NEXMIF: variants seen among roughly 807,000 people sequenced by gnomAD.
NEXMIF encodes the protein neurite extension and migration factor, also known as XLMR protein related to neurite extension.
NEXMIF carries 8 observed loss-of-function variants against 62.1 expected under a neutral mutation model. That is an observed-to-expected ratio of 0.13 (90% CI 0.08 to 0.23). NEXMIF has a LOEUF of 0.23. NEXMIF is among the 10% of genes least tolerant of loss of function. The pLI, the probability that NEXMIF is intolerant of heterozygous loss-of-function variation, is 1.00. For missense variants in NEXMIF, 976 were observed against 1,113.3 expected, an observed-to-expected ratio of 0.88 and a Z score of 1.75; for synonymous variants, 404 against 416.6, an observed-to-expected ratio of 0.97 and a Z score of 0.37.
At chrX:74,897,504 C>G (rs1305300297) in intron 1 of NEXMIF, among the ~76,000 whole-genome samples, 1 of 111,709 alleles carries the variant, frequency 9.0e-6, no homozygotes, top group African/African-American at 3.3e-5. Context: ...GAAGAACTAC[C>G]TTTGATTTCT....
intron 1 of NEXMIF, among the ~76,000 whole-genome samples, chrX:74,790,700 T>G (rs2080278569): frequency 8.8e-6 from 1 of 113,699 alleles, no homozygotes; most frequent in African/African-American, 3.2e-5. Flanking sequence ...ACATCCCTTG[T>G]AAGTTGGATT....
Position 74,742,923 on chromosome X carries a change from A to G in NEXMIF, c.1634T>C (p.Ile545Thr). 8.3e-7 allele frequency: 1 copy of G among 1,210,909 alleles called. No homozygotes were observed. Among genetic ancestry groups the G allele is most frequent in the Non-Finnish European group, 1.1e-6 (1 of 895,064 alleles). Residue 545 changes from isoleucine to threonine, a missense_variant, in exon 3 of 4, where the codon ATT (isoleucine) becomes ACT (threonine). This residue lies in a region of NEXMIF where 639 missense variants were observed against 694.5 expected (regional missense o/e 0.92). Coordinates refer to ENST00000055682, the MANE Select transcript of NEXMIF (RefSeq NM_001008537.3). ...EPPVIIKYIIINRFKGEKNML... is the reference protein window; with the variant it reads ...EPPVIIKYIITNRFKGEKNML... ...GTTCTTCTCACCTTTAAAGCGATTAATGATGATATATTTGATAATAACAGG... is the reference window on the plus strand; with the variant it reads ...GTTCTTCTCACCTTTAAAGCGATTAGTGATGATATATTTGATAATAACAGG...
chrX:74,906,490 TA>T (rs1337311809), intron 1 of NEXMIF, among the ~76,000 whole-genome samples: 1 of 110,609 alleles, frequency 9.0e-6, no homozygotes, highest in African/African-American at 3.3e-5. Flanking sequence ...CATGTGTTTT[TA>T]AGCTCTTCTC....
At position 74,734,584 on chromosome X, in the gene NEXMIF, G is replaced by A. The variant is rs975769337; in HGVS notation, c.*4821C>T. On this transcript the variant is annotated 3_prime_UTR_variant, in exon 4 of 4. Transcript: ENST00000055682. ...AACCCCTGAGCTTGTTAGATGGACA[G>A]ACATCCTTTCCATCTTATGTGGATG... 23 of 112,282 alleles carry A rather than the reference G, an allele frequency of 2.0e-4. No homozygotes were observed. Among genetic ancestry groups the A allele is most frequent in the Admixed American group, 1.7e-3 (18 of 10,520 alleles). The allele number at this position is 112,282 out of a possible 1,213,427, so 9.3% of individuals were successfully genotyped here. A position where few individuals can be genotyped will look rare whatever the true frequency, so the allele number is the denominator to read the frequency against.
intron 1 of NEXMIF, among the ~76,000 whole-genome samples, chrX:74,917,921 T>C (rs1333801238): frequency 9.0e-6 from 1 of 111,707 alleles, no homozygotes. Flanking sequence ...AAACTAGTCT[T>C]GACGTTTTTG....
rs777122303 is a variant in NEXMIF, at chrX:74,740,581, C to T, written c.3976G>A (p.Gly1326Ser). The change falls in exon 3 of 4, where the codon GGT becomes AGT. Residue 1326 changes from glycine (G) to serine (S), a missense_variant. Transcript: ENST00000055682. Reference protein sequence around the residue: ...PSYILSNIASGMADVQRFMMA... With the variant: ...PSYILSNIASSMADVQRFMMA... The stretch of plus-strand genomic sequence containing the variant: ...ATGAATCTCTGCACATCTGCCATAC[C>T]AGAGGCAATGTTGGACAAGATATAG... 1 of 1,211,958 alleles carries T rather than the reference C, an allele frequency of 8.3e-7. No homozygotes were observed. Among genetic ancestry groups the T allele is most frequent in the Non-Finnish European group, 1.1e-6 (1 of 895,508 alleles).
chrX:74,770,776 C>T (rs2080207857), intron 1 of NEXMIF, among the ~76,000 whole-genome samples: 1 of 111,944 alleles, frequency 8.9e-6, no homozygotes, highest in African/African-American at 3.2e-5. Context: ...TTGACCTTTG[C>T]TTATAAAAAT....
At chrX:74,810,223 T>A in intron 1 of NEXMIF, among the ~76,000 whole-genome samples, 1 of 111,964 alleles carries the variant, frequency 8.9e-6, no homozygotes, top group Non-Finnish European at 1.9e-5. Context: ...GAAGCCTTTT[T>A]ATTTATATTT....
intron 1 of NEXMIF, among the ~76,000 whole-genome samples, chrX:74,871,545 G>C (rs1231640545): frequency 9.0e-6 from 1 of 111,095 alleles, no homozygotes; most frequent in Non-Finnish European, 1.9e-5. Flanking sequence ...GGCACTGCAG[G>C]AGACCAGGGC....
intron 1 of NEXMIF, among the ~76,000 whole-genome samples, chrX:74,769,401 C>T (rs984181139): frequency 8.9e-6 from 1 of 111,815 alleles, no homozygotes; most frequent in African/African-American, 3.3e-5. Context: ...ATGCAGAAGG[C>T]ACACAACATG....
chrX:74,795,461 T>C (rs1291762052), intron 1 of NEXMIF, among the ~76,000 whole-genome samples: 1 of 112,028 alleles, frequency 8.9e-6, no homozygotes, highest in Non-Finnish European at 1.9e-5. Flanking sequence ...TATTATTCCA[T>C]TCATATGACA....
At chrX:74,811,705 A>G (rs148479509) in intron 1 of NEXMIF, among the ~76,000 whole-genome samples, 398 of 112,639 alleles carry the variant, frequency 3.5e-3, no homozygotes, top group Middle Eastern at 9.3e-3. Flanking sequence ...CTGAGCCTGT[A>G]GGCTATTACA....
intron 1 of NEXMIF, among the ~76,000 whole-genome samples, chrX:74,893,699 T>C (rs2080724571): frequency 8.9e-6 from 1 of 112,017 alleles, no homozygotes; most frequent in African/African-American, 3.2e-5. Flanking sequence ...GCATGGATGA[T>C]GTGGAAGGTT....
intron 1 of NEXMIF, among the ~76,000 whole-genome samples, chrX:74,796,451 A>G (rs1215140360): frequency 5.8e-5 from 6 of 103,753 alleles, no homozygotes; most frequent in Non-Finnish European, 1.2e-4. Flanking sequence ...GACCACTCCT[A>G]GATCTTGGTT....
intron 1 of NEXMIF, among the ~76,000 whole-genome samples, chrX:74,895,231 T>C (rs1428829503): frequency 5.4e-5 from 6 of 111,467 alleles, no homozygotes; most frequent in Non-Finnish European, 7.5e-5. Flanking sequence ...ACAAATAAAG[T>C]TAAATACCTA....
chrX:74,882,566 G>C (rs2080669868), intron 1 of NEXMIF, among the ~76,000 whole-genome samples: 1 of 111,807 alleles, frequency 8.9e-6, no homozygotes, highest in Non-Finnish European at 1.9e-5. Context: ...AGCAGTCTGA[G>C]ATCAAACTGC....
intron 1 of NEXMIF, among the ~76,000 whole-genome samples, chrX:74,854,642 C>T (rs1018019639): frequency 9.0e-6 from 1 of 111,553 alleles, no homozygotes; most frequent in Non-Finnish European, 1.9e-5. Context: ...AAACTATCCA[C>T]CTCTGCAGAC....
At chrX:74,753,946 A>AC (rs1322076567) in intron 1 of NEXMIF, among the ~76,000 whole-genome samples, 1 of 112,049 alleles carries the variant, frequency 8.9e-6, no homozygotes, top group African/African-American at 3.2e-5. Flanking sequence ...GGATACCATG[A>AC]CAAGTACAAA....
intron 1 of NEXMIF, among the ~76,000 whole-genome samples, chrX:74,865,404 G>GT (rs763636434): frequency 1.8e-3 from 197 of 111,900 alleles, no homozygotes; most frequent in Non-Finnish European, 2.5e-3. Flanking sequence ...ATAACTTAGG[G>GT]TATCTGGCAG....
Sources: allele counts gnomAD v4.1 joint callset (sites outside exome capture counted in the v4.1 genomes callset), GRCh38; gene constraint gnomAD v4.1.1; regional missense constraint gnomAD v4.1.1; transcripts MANE v1.5; gene names NCBI Gene and HGNC (gene_info 2026-07-23, HGNC 2026-07-21).